The following LRP11 variants were observed in gnomAD, a reference collection of about 807,000 sequenced individuals.
The protein encoded by LRP11 is low-density lipoprotein receptor-related protein 11.
Under a neutral mutation model 43.1 loss-of-function variants are expected in LRP11, and 25 were observed. The ratio of observed to expected loss-of-function variants is 0.58; its 90% CI spans 0.42 to 0.81. The LOEUF (loss-of-function observed/expected upper bound fraction) is 0.81. Among genes scored for constraint, LRP11 ranks in the 30% least tolerant of loss-of-function variants. LRP11 has a pLI of 0.00. For synonymous variants in LRP11, 316 were observed against 299.4 expected (o/e 1.06, Z -0.57); for missense variants, 623 against 665.1 (o/e 0.94, Z 0.70).
chr6:149,819,788 G>A lies in LRP11; in HGVS notation c.*761C>T, dbSNP rs1387299484. 3 of 152,070 alleles carry A rather than the reference G, an allele frequency of 2.0e-5. No individual in the cohort carries two copies. Among genetic ancestry groups the A allele is most frequent in the Non-Finnish European group, 4.4e-5 (3 of 68,054 alleles). 9.4% of individuals were successfully genotyped at this position (152,070 alleles called of 1,614,324 possible). A position where few individuals can be genotyped will look rare whatever the true frequency, so the allele number is the denominator to read the frequency against. ...ATTAAACGTTCTCCTTGCTCTCTTT[G>A]CCTTCAACTAAGTTTCTGTTAGTTT... On this transcript the variant is annotated 3_prime_UTR_variant, in exon 7 of 7. Transcript: ENST00000239367.
At chr6:149,850,105 T>C (rs1040925921) in intron 2 of LRP11, among the ~76,000 whole-genome samples, 3 of 152,286 alleles carry the variant, frequency 2.0e-5, no homozygotes, top group Non-Finnish European at 4.4e-5. Flanking sequence ...GCCCAATCAA[T>C]GGACACTCTT....
intron 3 of LRP11, chr6:149,842,649 G>C: frequency 6.4e-7 from 1 of 1,550,974 alleles, no homozygotes; most frequent in Non-Finnish European, 8.7e-7. Context: ...TTCCCTCTTG[G>C]AACAGATGCA....
At chr6:149,839,028 G>A (rs1024452701) in intron 3 of LRP11, among the ~76,000 whole-genome samples, 3 of 151,314 alleles carry the variant, frequency 2.0e-5, no homozygotes, top group African/African-American at 7.3e-5. Flanking sequence ...ACAAACCCAA[G>A]TGAAATCTTG....
At position 149,864,087 on chromosome 6, in the gene LRP11, C is replaced by A; in HGVS notation, c.-67G>T. 8.1e-7 allele frequency: 1 copy of A among 1,237,604 alleles called. No homozygotes were observed. Among genetic ancestry groups the A allele is most frequent in the Non-Finnish European group, 1.0e-6 (1 of 991,860 alleles). The allele number at this position is 1,237,604 out of a possible 1,614,324, so 76.7% of individuals were successfully genotyped here. A position where few individuals can be genotyped will look rare whatever the true frequency, so the allele number is the denominator to read the frequency against. ...CGCGGGAGGAAGGCGGGGACGCGGG[C>A]GAGCGCGGGCCCTGGGCCCCTCCTG... On this transcript the variant is annotated 5_prime_UTR_variant, in exon 1 of 7. Coordinates refer to ENST00000239367, the MANE Select transcript of LRP11 (RefSeq NM_032832.6).
In LRP11 at chr6:149,864,270, C is replaced by G. The variant is rs367912698; in HGVS notation, c.-250G>C. The G allele has an allele frequency of 1.7e-5, 18 of 1,065,886 alleles. No individual in the cohort carries two copies. The highest frequency in any genetic ancestry group is 2.0e-5 in the Non-Finnish European group (18 of 883,686). 66.0% of individuals were successfully genotyped at this position (1,065,886 alleles called of 1,614,324 possible). A position where few individuals can be genotyped will look rare whatever the true frequency, so the allele number is the denominator to read the frequency against. On this transcript the variant is annotated 5_prime_UTR_variant, in exon 1 of 7. Coordinates refer to ENST00000239367, the MANE Select transcript of LRP11 (RefSeq NM_032832.6). The stretch of plus-strand genomic sequence containing the variant: ...CTTGCCCTCGCCGGAGACTGCCCAG[C>G]GCCCTGCGCCTCTCCGCCCCGGCCT...
At chr6:149,842,491 C>A in intron 3 of LRP11, 1 of 694,756 alleles carries the variant, frequency 1.4e-6, no homozygotes, top group Non-Finnish European at 2.6e-6. Flanking sequence ...CAACAGATCA[C>A]CAGAACCTGT....
At chr6:149,851,038 T>C (rs1276147087) in intron 2 of LRP11, among the ~76,000 whole-genome samples, 1 of 152,188 alleles carries the variant, frequency 6.6e-6, no homozygotes, top group Non-Finnish European at 1.5e-5. Context: ...TTGGGTGACA[T>C]TCATGAATGT....
intron 1 of LRP11, among the ~76,000 whole-genome samples, chr6:149,858,776 A>C (rs111508210): frequency 0.011 from 1,698 of 152,288 alleles, 31 homozygotes; most frequent in African/African-American, 0.039. Flanking sequence ...TGAGTTTCCT[A>C]ATCTGTACTA....
Position 149,863,959 on chromosome 6 carries a change from G to A in LRP11, c.62C>T (p.Ala21Val), listed in dbSNP as rs1292654600. The A allele has an allele frequency of 3.5e-6, 5 of 1,428,552 alleles. No individual in the cohort carries two copies. In the African/African-American group the frequency reaches 6.0e-5, roughly 17 times the overall value. 88.5% of individuals were successfully genotyped at this position (1,428,552 alleles called of 1,614,324 possible). ...GCAGAGCAGTAGCAGCCCGCGCAGC[G>A]CCCCGTGACGCGGCGGTAGCCGGCG... ...SQRRLPPRHG[A>V]LRGLLLLCLW... The change falls in exon 1 of 7, where the codon GCG (alanine) becomes GTG (valine). Residue 21 changes from alanine (A) to valine (V), a missense_variant. By Grantham distance (64) the Ala-to-Val change is moderately conservative. Coordinates refer to ENST00000239367, the MANE Select transcript of LRP11 (RefSeq NM_032832.6).
chr6:149,850,117 G>C (rs1428552939), intron 2 of LRP11, among the ~76,000 whole-genome samples: 1 of 152,116 alleles, frequency 6.6e-6, no homozygotes, highest in Non-Finnish European at 1.5e-5. Flanking sequence ...GACACTCTTG[G>C]GTGCTAGGGA....
rs9371490 is a variant in LRP11, at chr6:149,838,806, C to T, written c.914-1343G>A. 7.2e-5 allele frequency among the ~76,000 whole-genome samples: 11 copies of T among 152,196 alleles called. No homozygotes were observed. The East Asian group carries it at 2.1e-3, about 29-fold the overall frequency. On this transcript the variant is annotated intron_variant, in intron 3 of 6. Transcript: ENST00000239367. ...TTTCCTGAAATGCATTTTCCCTCTC[C>T]CTTGATTAAGCCAACTTTATTAGAC...
At chr6:149,825,560 G>A (rs1776327351) in intron 6 of LRP11, among the ~76,000 whole-genome samples, 1 of 152,118 alleles carries the variant, frequency 6.6e-6, no homozygotes, top group Non-Finnish European at 1.5e-5. Context: ...CTATGAGGCA[G>A]GTATTGTTAC....
Position 149,864,223 on chromosome 6 carries a change from C to T in LRP11, c.-203G>A. On this transcript the variant is annotated 5_prime_UTR_variant, in exon 1 of 7. Transcript: ENST00000239367. Reference sequence around the variant, plus strand: ...GGAACCGCAGTAGCGGGAGACATAGCCGGCCCAGCCGGGCACCGCTCCTTG... The same window carrying T: ...GGAACCGCAGTAGCGGGAGACATAGTCGGCCCAGCCGGGCACCGCTCCTTG... 1.8e-6 allele frequency: 2 copies of T among 1,102,480 alleles called. No homozygotes were observed. The highest frequency in any genetic ancestry group is 4.5e-5 in the South Asian group (1 of 22,382). 68.3% of individuals were successfully genotyped at this position (1,102,480 alleles called of 1,614,324 possible). A position where few individuals can be genotyped will look rare whatever the true frequency, so the allele number is the denominator to read the frequency against.
chr6:149,853,189 A>G, intron 1 of LRP11, 29 bp from the exon 2 acceptor site: 1 of 1,515,114 alleles, frequency 6.6e-7, no homozygotes, highest in Non-Finnish European at 8.9e-7. Context: ...AATTCATAAA[A>G]GATGATTTCT....
At chr6:149,851,909 G>A (rs111900732) in intron 2 of LRP11, among the ~76,000 whole-genome samples, 1,699 of 152,244 alleles carry the variant, frequency 0.011, 32 homozygotes, top group African/African-American at 0.039. Context: ...TATAATCACC[G>A]CAGAAGGCAA....
In LRP11 at chr6:149,864,334, A is replaced by G; in HGVS notation, c.-314T>C. 9.9e-7 allele frequency: 1 copy of G among 1,011,108 alleles called. No homozygotes were observed. The highest frequency in any genetic ancestry group is 1.2e-6 in the Non-Finnish European group (1 of 847,214). 62.6% of individuals were successfully genotyped at this position (1,011,108 alleles called of 1,614,324 possible). On this transcript the variant is annotated 5_prime_UTR_variant, in exon 1 of 7. Transcript: ENST00000239367. ...TGGCGACGAGTCGGCCTCGGCGTTG[A>G]TCAGCACCAGGTGTGTGCGAACAGT...
intron 4 of LRP11, among the ~76,000 whole-genome samples, chr6:149,836,703 AC>A (rs1287154766): frequency 6.6e-6 from 1 of 152,152 alleles, no homozygotes; most frequent in East Asian, 1.9e-4. Context: ...AGTCCCAGCT[AC>A]TGGGGAGGCT....
chr6:149,859,396 A>ATATATATTTTT, intron 1 of LRP11, among the ~76,000 whole-genome samples: 4 of 71,496 alleles, frequency 5.6e-5, no homozygotes, highest in East Asian at 8.8e-4. Flanking sequence ...ATATATATAT[A>ATATATATTTTT]TTTTTTTTTT....
chr6:149,855,119 A>G (rs1051875640), intron 1 of LRP11, among the ~76,000 whole-genome samples: 2 of 152,212 alleles, frequency 1.3e-5, no homozygotes, highest in Non-Finnish European at 2.9e-5. Flanking sequence ...GTCATCAGCA[A>G]CCAGAGCAGC....
Sources: allele counts gnomAD v4.1 joint callset (sites outside exome capture counted in the v4.1 genomes callset), GRCh38; gene constraint gnomAD v4.1.1; transcripts MANE v1.5; gene names NCBI Gene and HGNC (gene_info 2026-07-23, HGNC 2026-07-21).